Variants in DLGAP1 observed in about 807,000 individuals in gnomAD.
DLGAP1 encodes the protein DLG associated protein 1.
In DLGAP1, 11 loss-of-function variants were observed where a neutral mutation model predicts 90.8. The observed-to-expected ratio is 0.12, with a 90% CI of 0.08 to 0.20. DLGAP1 has a LOEUF of 0.20. Ranked by LOEUF, DLGAP1 falls within the 10% of genes least tolerant of loss-of-function variation. The pLI is 1.00. For synonymous variants in DLGAP1, 558 were observed against 540.7 expected, an observed-to-expected ratio of 1.03 and a Z score of -0.44; for missense variants, 1,050 against 1,333.8, an observed-to-expected ratio of 0.79 and a Z score of 3.31.
At chr18:3,845,347 C>A (rs1460528295) in intron 4 of DLGAP1, 1 of 1,560,394 alleles carries the variant, frequency 6.4e-7, no homozygotes, top group African/African-American at 1.4e-5. Context: ...CTATGATTTG[C>A]CGATTCTAAG....
At chr18:3,757,661 T>C (rs2063772380) in intron 5 of DLGAP1, among the ~76,000 whole-genome samples, 1 of 152,192 alleles carries the variant, frequency 6.6e-6, no homozygotes, top group Non-Finnish European at 1.5e-5. Flanking sequence ...TCGTCTCACA[T>C]AGAAGTAGAT....
At chr18:4,153,409 A>G (rs2076705853) in intron 1 of DLGAP1, among the ~76,000 whole-genome samples, 1 of 152,224 alleles carries the variant, frequency 6.6e-6, no homozygotes, top group South Asian at 2.1e-4. Flanking sequence ...CAGAGAATTG[A>G]CTTGCCCAGG....
chr18:4,348,833 C>T (rs942700709), intron 1 of DLGAP1, among the ~76,000 whole-genome samples: 7 of 151,976 alleles, frequency 4.6e-5, no homozygotes, highest in Non-Finnish European at 1.0e-4. Context: ...AAATAAAGAA[C>T]CTTGAGTCCA....
chr18:4,243,045 G>A (rs2078577120), intron 1 of DLGAP1, among the ~76,000 whole-genome samples: 1 of 152,146 alleles, frequency 6.6e-6, no homozygotes, highest in African/African-American at 2.4e-5. Context: ...AGGGGAGAGT[G>A]CTCAGTTGAC....
At position 3,499,095 on chromosome 18, in the gene DLGAP1, C is replaced by T. The variant is rs1325951797; in HGVS notation, c.*90G>A. 2.0e-5 allele frequency: 24 copies of T among 1,186,202 alleles called. No individual in the cohort carries two copies. Among genetic ancestry groups the T allele is most frequent in the Middle Eastern group, 2.9e-4 (1 of 3,476 alleles). The allele number at this position is 1,186,202 out of a possible 1,614,324, so 73.5% of individuals were successfully genotyped here. ...GGAAGTCACCGAGCTCGGGAGCGGA[C>T]GGGCTCGGAGGGGGAGAGGCAGCCG... is the stretch of plus-strand genomic sequence containing the variant. On this transcript the variant is annotated 3_prime_UTR_variant, in exon 13 of 13. Coordinates refer to ENST00000315677, the MANE Select transcript of DLGAP1 (RefSeq NM_004746.4). The surrounding 1 kb of genome is among the most constrained non-coding windows in gnomAD (Gnocchi z 6.4).
chr18:3,870,031 A>G lies in DLGAP1; in HGVS notation c.957+9081T>C, dbSNP rs1015476830. On this transcript the variant is annotated intron_variant, in intron 4 of 12. Transcript: ENST00000315677. ...TAAAGCTTGCAGTCAGAGCGCCTGA[A>G]TCCCATATTTTCATCTATTAGGCTC... 5.9e-5 allele frequency among the ~76,000 whole-genome samples: 9 copies of G among 152,318 alleles called. No homozygotes were observed. In the East Asian group the frequency reaches 1.7e-3, roughly 29 times the overall value.
At chr18:3,598,248 G>C (rs2056698135) in intron 7 of DLGAP1, 1 of 152,176 alleles carries the variant, frequency 6.6e-6, no homozygotes, top group Non-Finnish European at 1.5e-5. Flanking sequence ...CTGCTCGGGA[G>C]GCTGAGGCAG....
chr18:3,746,387 G>T (rs1055075947), intron 5 of DLGAP1, among the ~76,000 whole-genome samples: 1 of 151,976 alleles, frequency 6.6e-6, no homozygotes, highest in Non-Finnish European at 1.5e-5. Context: ...CTAAAGAAAT[G>T]CAAAGGAATA....
Position 3,879,772 on chromosome 18 carries a change from G to T in DLGAP1, c.297C>A (p.Ile99=). 1 of 1,607,606 alleles carries T rather than the reference G, an allele frequency of 6.2e-7. No individual in the cohort carries two copies. The highest frequency in any genetic ancestry group is 8.5e-7 in the Non-Finnish European group (1 of 1,179,916). The change falls in exon 4 of 13, where the codon ATC becomes ATA. Residue 99 remains isoleucine (I), a synonymous_variant. Coordinates refer to ENST00000315677, the MANE Select transcript of DLGAP1 (RefSeq NM_004746.4). The surrounding 1 kb of genome is among the most constrained non-coding windows in gnomAD (Gnocchi z 6.6). ...CGAACTGGTCCAGCAGGTTGGCGGGGATGCGGTTCGCCTTGGTGGCCAGGG... is the reference window on the plus strand; with the variant it reads ...CGAACTGGTCCAGCAGGTTGGCGGGTATGCGGTTCGCCTTGGTGGCCAGGG... The part of the protein sequence containing the change: ...PRTLATKANR[I]PANLLDQFER...
chr18:4,432,026 G>C (rs1431516138), intron 1 of DLGAP1, among the ~76,000 whole-genome samples: 2 of 152,066 alleles, frequency 1.3e-5, no homozygotes, highest in African/African-American at 4.8e-5. Flanking sequence ...TACAACTTCC[G>C]TTTTTTTATT....
At chr18:4,410,906 C>T (rs928250652) in intron 1 of DLGAP1, among the ~76,000 whole-genome samples, 6 of 152,166 alleles carry the variant, frequency 3.9e-5, no homozygotes, top group Admixed American at 1.3e-4. Context: ...GTTTTCCCAG[C>T]TCCAGGAGTT....
chr18:4,452,606 A>T (rs2083862349), intron 1 of DLGAP1, among the ~76,000 whole-genome samples: 1 of 152,210 alleles, frequency 6.6e-6, no homozygotes, highest in Admixed American at 6.5e-5. Flanking sequence ...AAGGATTTAA[A>T]AAGTAGAACA....
At chr18:3,846,081 T>A (rs989908210) in intron 4 of DLGAP1, among the ~76,000 whole-genome samples, 1 of 150,954 alleles carries the variant, frequency 6.6e-6, no homozygotes, top group South Asian at 2.1e-4. Context: ...TGTGTGTGTG[T>A]CTCATTTCGG....
At chr18:4,260,638 G>A (rs1028982311) in intron 1 of DLGAP1, among the ~76,000 whole-genome samples, 5 of 151,882 alleles carry the variant, frequency 3.3e-5, no homozygotes, top group African/African-American at 4.8e-5. Context: ...CATATTTCTC[G>A]ATAAATATCA....
chr18:4,442,453 C>T lies in DLGAP1; in HGVS notation c.-267+12553G>A, dbSNP rs992813973. ...GAAATACAAGTTTGTAGAAAATACG[C>T]CCTATGCTACAATTAATAACCTAGT... On this transcript the variant is annotated intron_variant, in intron 1 of 12. Coordinates refer to ENST00000315677, the MANE Select transcript of DLGAP1 (RefSeq NM_004746.4). Among the ~76,000 whole-genome samples the T allele has an allele frequency of 8.5e-5, 13 of 152,278 alleles. No individual in the cohort carries two copies. The East Asian group carries it at 1.9e-3, about 23-fold the overall frequency.
chr18:3,576,984 T>A lies in DLGAP1; in HGVS notation c.1965+4891A>T, dbSNP rs575642077. Among the ~76,000 whole-genome samples, 10 of 152,048 alleles carry A rather than the reference T, an allele frequency of 6.6e-5. No individual in the cohort carries two copies. The South Asian group carries it at 1.0e-3, about 16-fold the overall frequency. ...TTCAAGTGATTCTTCTGCCTCAGCC[T>A]CCTAAGTAGGTGAGATTACAGGCAT... On this transcript the variant is annotated intron_variant, in intron 8 of 12. Coordinates refer to ENST00000315677, the MANE Select transcript of DLGAP1 (RefSeq NM_004746.4).
intron 5 of DLGAP1, among the ~76,000 whole-genome samples, chr18:3,804,262 G>C (rs1407520897): frequency 6.6e-6 from 1 of 152,128 alleles, no homozygotes. Flanking sequence ...TGGGATTACA[G>C]GCATGGGCCA....
intron 7 of DLGAP1, among the ~76,000 whole-genome samples, chr18:3,644,389 A>G (rs1009061457): frequency 6.7e-6 from 1 of 149,114 alleles, no homozygotes; most frequent in African/African-American, 2.6e-5. Context: ...ATATGTTTAC[A>G]ATACTATTTT....
intron 2 of DLGAP1, among the ~76,000 whole-genome samples, chr18:4,071,215 T>C (rs768595582): frequency 4.4e-5 from 6 of 134,980 alleles, no homozygotes; most frequent in Non-Finnish European, 6.3e-5. Flanking sequence ...ATTTAAAAGC[T>C]AAAACTTTAT....
Sources: gnomAD v4.1 joint callset for allele counts (sites outside exome capture counted in the v4.1 genomes callset) on GRCh38, gnomAD v4.1.1 for gene constraint, Gnocchi (gnomAD v3.1) non-coding constraint, MANE v1.5 for transcripts, NCBI Gene and HGNC (gene_info 2026-07-23, HGNC 2026-07-21) for gene names.